POLD1: variants seen among roughly 807,000 people sequenced by gnomAD.
The protein encoded by POLD1 is DNA polymerase delta 1, catalytic subunit, also known as DNA polymerase delta catalytic subunit.
In POLD1, 79 loss-of-function variants were observed where a neutral mutation model predicts 129.7. The observed-to-expected ratio is 0.61, with a 90% CI of 0.51 to 0.73. The LOEUF (loss-of-function observed/expected upper bound fraction) is 0.73, where lower values mean the gene tolerates loss of function less well. POLD1 is among the 30% of genes least tolerant of loss of function. The pLI, the probability that POLD1 is intolerant of heterozygous loss-of-function variation, is 0.00. For missense variants in POLD1, 1,338 were observed against 1,595.8 expected (o/e 0.84, Z 2.75); for synonymous variants, 714 against 683.3 (o/e 1.04, Z -0.70).
chr19:50,391,057 A>G (rs1017527804), intron 1 of POLD1, among the ~76,000 whole-genome samples: 1 of 151,864 alleles, frequency 6.6e-6, no homozygotes, highest in Non-Finnish European at 1.5e-5. Flanking sequence ...CATCGTCATC[A>G]TGGCCCGTTC....
intron 14 of POLD1, among the ~76,000 whole-genome samples, chr19:50,407,725 A>ATTTTTTTTTTTTTT (rs571759517): frequency 5.2e-5 from 5 of 95,338 alleles, no homozygotes; most frequent in African/African-American, 2.3e-4. Context: ...CGCCTGGCTA[A>ATTTTTTTTTTTTTT]TTTTTTTTTT....
In POLD1 at chr19:50,386,149, TTGGTTTTTGAGACAGG is replaced by T. The variant is rs1465289275; in HGVS notation, c.-2+1760_-2+1775del. Among the ~76,000 whole-genome samples the T allele has an allele frequency of 2.0e-5, 3 of 152,106 alleles. No individual in the cohort carries two copies. In the East Asian group the frequency reaches 5.8e-4, roughly 29 times the overall value. On this transcript the variant is annotated intron_variant, in intron 1 of 26. Coordinates refer to ENST00000440232, the MANE Select transcript of POLD1 (RefSeq NM_002691.4). ...TTTCAACTCACATGTCTTTTTTTTT[TTGGTTTTTGAGACAGG>T]GTCTTGCTCTGTCGCCCAGGCTGGA...
intron 14 of POLD1, 166 bp from the exon 15 acceptor site, chr19:50,408,619 G>A: frequency 2.8e-6 from 3 of 1,055,738 alleles, no homozygotes; most frequent in Non-Finnish European, 4.1e-6. Context: ...CTGAGTTCAA[G>A]CGATCCTCCT....
At chr19:50,396,866 C>G (rs918227022) in intron 1 of POLD1, among the ~76,000 whole-genome samples, 1 of 151,180 alleles carries the variant, frequency 6.6e-6, no homozygotes, top group South Asian at 2.1e-4. Context: ...GAGGCCGAGG[C>G]AGGTGGATCA....
intron 19 of POLD1, 24 bp downstream of exon 19, chr19:50,413,903 T>A (rs2122452839): frequency 6.4e-7 from 1 of 1,562,876 alleles, no homozygotes; most frequent in South Asian, 1.2e-5. Context: ...TCAGGGGCTC[T>A]GCATTTAGGT....
At chr19:50,401,392 T>TATGTATATATA (rs1491527037) in intron 3 of POLD1, among the ~76,000 whole-genome samples, 8 of 47,196 alleles carry the variant, frequency 1.7e-4, no homozygotes, top group African/African-American at 7.4e-4. Context: ...TATATATATA[T>TATGTATATATA]TTTTTTTTTT....
chr19:50,406,624 A>T lies in POLD1; in HGVS notation c.1494+107A>T, dbSNP rs2038896292. The T allele has an allele frequency of 8.5e-6, 7 of 820,950 alleles. No homozygotes were observed. Among genetic ancestry groups the T allele is most frequent in the Non-Finnish European group, 1.4e-5 (7 of 498,750 alleles). 50.9% of individuals were successfully genotyped at this position (820,950 alleles called of 1,614,324 possible). A position where few individuals can be genotyped will look rare whatever the true frequency, so the allele number is the denominator to read the frequency against. On this transcript the variant is annotated intron_variant, in intron 12 of 26. Transcript: ENST00000440232. This position sits in a 1 kb window ranked among gnomAD's most constrained non-coding sequence, Gnocchi z 5.5. The stretch of plus-strand genomic sequence containing the variant: ...CCCCCACGTCTGACCTCACTCTTTG[A>T]CCTGCTGTTATGACCTGTGACCTTA...
At chr19:50,391,949 T>G (rs895557163) in intron 1 of POLD1, among the ~76,000 whole-genome samples, 6 of 152,298 alleles carry the variant, frequency 3.9e-5, no homozygotes, top group African/African-American at 9.6e-5. Context: ...TCTCCTGACC[T>G]CAGGTGATCG....
At chr19:50,413,347 C>CG in intron 17 of POLD1, 79 bp from the exon 18 acceptor site, 3 of 1,179,976 alleles carry the variant, frequency 2.5e-6, no homozygotes, top group Non-Finnish European at 1.2e-6. Flanking sequence ...ATGGCAGAGG[C>CG]GGGACCCCTC....
chr19:50,386,584 G>A (rs984009485), intron 1 of POLD1, among the ~76,000 whole-genome samples: 50 of 152,260 alleles, frequency 3.3e-4, no homozygotes, highest in African/African-American at 1.2e-3. Context: ...GTGGCACAAG[G>A]CGTTGTGGGA....
chr19:50,401,389 A>AT (rs1249815875), intron 3 of POLD1, among the ~76,000 whole-genome samples: 833 of 60,238 alleles, frequency 0.014, 2 homozygotes, highest in Non-Finnish European at 0.022. Flanking sequence ...ATATATATAT[A>AT]TATTTTTTTT....
chr19:50,408,380 ATTTTTC>A (rs201838634), intron 14 of POLD1, among the ~76,000 whole-genome samples: 2,423 of 151,738 alleles, frequency 0.016, 62 homozygotes, highest in African/African-American at 0.053. Context: ...TATATATATT[ATTTTTC>A]TTTTTCTTTT....
In POLD1 at chr19:50,399,409, C is replaced by T. The variant is rs752124373; in HGVS notation, c.241C>T (p.Arg81Trp). 5.6e-6 allele frequency: 9 copies of T among 1,614,048 alleles called. No individual in the cohort carries two copies. Among genetic ancestry groups the T allele is most frequent in the African/African-American group, 4.0e-5 (3 of 74,928 alleles). ...PPSAIDPRWLRPTPPALDPQT... is the reference protein window; with the variant it reads ...PPSAIDPRWLWPTPPALDPQT... ...ATCAGCCATAGATCCTCGCTGGCTT[C>T]GGCCCACACCACCAGCGCTGGACCC... Residue 81 changes from arginine (R) to tryptophan (W), a missense_variant, in exon 3 of 27, where the codon CGG (arginine) becomes TGG (tryptophan). By Grantham distance (101) the Arg-to-Trp change is moderately radical. Coordinates refer to ENST00000440232, the MANE Select transcript of POLD1 (RefSeq NM_002691.4).
intron 10 of POLD1, among the ~76,000 whole-genome samples, chr19:50,404,866 G>C (rs866837203): frequency 0.11 from 17,386 of 151,308 alleles, 3,242 homozygotes; most frequent in African/African-American, 0.38. Flanking sequence ...CTGGGGTGTA[G>C]AAGTGATTCT....
In POLD1 at chr19:50,409,461, G is replaced by A. The variant is rs950331896; in HGVS notation, c.2007-58G>A. 5.0e-6 allele frequency: 8 copies of A among 1,609,530 alleles called. No homozygotes were observed. Among genetic ancestry groups the A allele is most frequent in the Non-Finnish European group, 6.8e-6 (8 of 1,177,214 alleles). ...GTACATGGCACTCACTTCCAGAAAG[G>A]AGCCCTGACCAATGCCCAGGTGCCG... On this transcript the variant is annotated intron_variant, in intron 16 of 26. Coordinates refer to ENST00000440232, the MANE Select transcript of POLD1 (RefSeq NM_002691.4). This position sits in a 1 kb window ranked among gnomAD's most constrained non-coding sequence, Gnocchi z 5.8.
At chr19:50,416,082 T>G (rs1470332538) in intron 22 of POLD1, 5 of 570,604 alleles carry the variant, frequency 8.8e-6, no homozygotes, top group African/African-American at 1.9e-5. Flanking sequence ...GGGGTTCCCT[T>G]GGATTCATAA....
intron 1 of POLD1, among the ~76,000 whole-genome samples, chr19:50,391,958 C>T (rs1175285075): frequency 2.6e-5 from 4 of 152,056 alleles, no homozygotes; most frequent in Non-Finnish European, 4.4e-5. Flanking sequence ...CTCAGGTGAT[C>T]GGCCTGCCTC....
At chr19:50,399,683 G>A (rs1568615995) in intron 3 of POLD1, among the ~76,000 whole-genome samples, 199 bp downstream of exon 3, 1 of 152,226 alleles carries the variant, frequency 6.6e-6, no homozygotes, top group African/African-American at 2.4e-5. Flanking sequence ...AGTGCGAAGC[G>A]AAGGTGACAC....
intron 26 of POLD1, among the ~76,000 whole-genome samples, 165 bp from the exon 27 acceptor site, chr19:50,417,677 C>T (rs933475387): frequency 1.9e-5 from 2 of 105,258 alleles, no homozygotes; most frequent in Non-Finnish European, 3.7e-5. Context: ...CGGCTCCCCC[C>T]CCCCACCCCC....
Sources: allele counts gnomAD v4.1 joint callset (sites outside exome capture counted in the v4.1 genomes callset), GRCh38; gene constraint gnomAD v4.1.1; non-coding constraint Gnocchi (gnomAD v3.1); transcripts MANE v1.5; gene names NCBI Gene and HGNC (gene_info 2026-07-23, HGNC 2026-07-21).